IGF1R: variants seen among roughly 807,000 people sequenced by gnomAD.
IGF1R encodes insulin like growth factor 1 receptor.
A neutral mutation model predicts 144.6 loss-of-function variants in IGF1R; 44 were observed. The observed-to-expected ratio is 0.30, with a 90% CI of 0.24 to 0.39. The LOEUF is 0.39. Ranked by LOEUF, IGF1R falls within the 10% of genes least tolerant of loss-of-function variation. IGF1R has a pLI of 1.00. For missense variants in IGF1R, 1,355 were observed against 1,833.7 expected (o/e 0.74, Z 4.77); for synonymous variants, 795 against 722.8 (o/e 1.10, Z -1.60).
At chr15:98,750,466 C>G (rs1459157593) in intron 2 of IGF1R, among the ~76,000 whole-genome samples, 2 of 152,144 alleles carry the variant, frequency 1.3e-5, no homozygotes, top group Non-Finnish European at 2.9e-5. Flanking sequence ...AGCCACAGTC[C>G]AAATCTTCTG....
intron 1 of IGF1R, among the ~76,000 whole-genome samples, chr15:98,692,595 T>G (rs2053502858): frequency 6.6e-6 from 1 of 152,226 alleles, no homozygotes; most frequent in African/African-American, 2.4e-5. Context: ...AAGATGATGG[T>G]GAGTTTGGAC....
intron 2 of IGF1R, among the ~76,000 whole-genome samples, chr15:98,731,960 G>T (rs7183706): frequency 2.0e-5 from 3 of 152,088 alleles, no homozygotes; most frequent in Non-Finnish European, 4.4e-5. Context: ...ATTCCTCTCA[G>T]AGAGACAGTC....
rs1227152809 is a variant in IGF1R at position 98,708,008 on chromosome 15, C to CA, written c.541_542insA (p.Leu181HisfsTer13). ...TAAGCCCCCAAAGGAATGTGGGGACCTGTGTCCAGGGACCATGGAGGAGAA... is the reference window on the plus strand; with the variant it reads ...TAAGCCCCCAAAGGAATGTGGGGACCATGTGTCCAGGGACCATGGAGGAGAA... On this transcript the variant is annotated frameshift_variant, in exon 2 of 21. Transcript: ENST00000650285. LOFTEE classifies it high-confidence loss of function. 6.2e-7 allele frequency: 1 copy of CA among 1,614,062 alleles called. No individual in the cohort carries two copies. Among genetic ancestry groups the CA allele is most frequent in the Non-Finnish European group, 8.5e-7 (1 of 1,179,954 alleles).
chr15:98,747,469 T>TA (rs1219625796), intron 2 of IGF1R, among the ~76,000 whole-genome samples: 4 of 152,348 alleles, frequency 2.6e-5, no homozygotes, highest in Non-Finnish European at 5.9e-5. Context: ...GTGCTGGGAT[T>TA]ACAGCCACTG....
Position 98,959,896 on chromosome 15 carries a change from A to T in IGF1R, c.*2454A>T, listed in dbSNP as rs1232273655. 2 of 231,310 alleles carry T rather than the reference A, an allele frequency of 8.6e-6. No individual in the cohort carries two copies. The highest frequency in any genetic ancestry group is 4.5e-5 in the African/African-American group (2 of 44,262). The allele number at this position is 231,310 out of a possible 1,614,324, so 14.3% of individuals were successfully genotyped here. On this transcript the variant is annotated 3_prime_UTR_variant, in exon 21 of 21. Coordinates refer to ENST00000650285, the MANE Select transcript of IGF1R (RefSeq NM_000875.5). ...TATTATATGTAGGAGTTTTCTTTTA[A>T]TTTATTTTGTGATAAATTACCAGTT...
At chr15:98,892,078 G>A (rs537447812) in intron 3 of IGF1R, among the ~76,000 whole-genome samples, 11 of 152,252 alleles carry the variant, frequency 7.2e-5, no homozygotes, top group South Asian at 4.1e-4. Context: ...ACCAGCAAGC[G>A]GACCTAAACA....
chr15:98,951,462 A>G (rs2016770897), intron 20 of IGF1R, among the ~76,000 whole-genome samples: 1 of 152,248 alleles, frequency 6.6e-6, no homozygotes, highest in Non-Finnish European at 1.5e-5. Context: ...TTTTTATCGC[A>G]GTATAACAAA....
chr15:98,781,326 C>CA, intron 2 of IGF1R, among the ~76,000 whole-genome samples: 1 of 152,072 alleles, frequency 6.6e-6, no homozygotes, highest in Middle Eastern at 3.4e-3. Flanking sequence ...AAATTGGGGG[C>CA]AAAAAAGAAA....
At position 98,935,464 on chromosome 15, in the gene IGF1R, G is replaced by A. The variant is rs2016106056; in HGVS notation, c.3297+38G>A. 10 of 1,166,604 alleles carry A rather than the reference G, an allele frequency of 8.6e-6. No homozygotes were observed. The East Asian group carries it at 2.6e-4, about 30-fold the overall frequency. The allele number at this position is 1,166,604 out of a possible 1,614,324, so 72.3% of individuals were successfully genotyped here. ...TTCCACCGGTATTGCATGTTGCCTGGCCTGCTCTCTTTTCCTTTATAATCT... is the reference window on the plus strand; with the variant it reads ...TTCCACCGGTATTGCATGTTGCCTGACCTGCTCTCTTTTCCTTTATAATCT... On this transcript the variant is annotated intron_variant, in intron 17 of 20. Coordinates refer to ENST00000650285, the MANE Select transcript of IGF1R (RefSeq NM_000875.5). The surrounding 1 kb of genome is among the most constrained non-coding windows in gnomAD (Gnocchi z 4.2).
At chr15:98,948,379 C>T (rs189235214) in intron 19 of IGF1R, among the ~76,000 whole-genome samples, 195 bp from the exon 20 acceptor site, 13 of 152,262 alleles carry the variant, frequency 8.5e-5, no homozygotes, top group African/African-American at 2.6e-4. Context: ...ATTTAGTTTA[C>T]GGGGAACATT....
intron 2 of IGF1R, among the ~76,000 whole-genome samples, chr15:98,775,439 G>C (rs191230617): frequency 6.6e-6 from 1 of 152,268 alleles, no homozygotes; most frequent in East Asian, 1.9e-4. Flanking sequence ...CGAGGCTTCT[G>C]GGTGAGTACC....
At chr15:98,746,811 C>T (rs1384385424) in intron 2 of IGF1R, among the ~76,000 whole-genome samples, 1 of 152,138 alleles carries the variant, frequency 6.6e-6, no homozygotes, top group African/African-American at 2.4e-5. Flanking sequence ...GTAAAGAATT[C>T]AAAGGGCTAA....
chr15:98,943,185 C>A, intron 19 of IGF1R, 133 bp downstream of exon 19: 1 of 1,001,520 alleles, frequency 1.0e-6, no homozygotes, highest in South Asian at 1.3e-5. Flanking sequence ...GTTGTGTGAG[C>A]CACACTTCTT....
At chr15:98,784,973 C>T (rs533988086) in intron 2 of IGF1R, among the ~76,000 whole-genome samples, 54 of 152,184 alleles carry the variant, frequency 3.5e-4, no homozygotes, top group African/African-American at 1.2e-3. Context: ...TCTAGATTTT[C>T]GACAACTTGA....
At chr15:98,842,012 G>A (rs2011183053) in intron 2 of IGF1R, among the ~76,000 whole-genome samples, 1 of 152,218 alleles carries the variant, frequency 6.6e-6, no homozygotes, top group Non-Finnish European at 1.5e-5. Flanking sequence ...GCCATTAGAA[G>A]CAGTGTTCTT....
At chr15:98,653,607 C>A (rs200319194) in intron 1 of IGF1R, among the ~76,000 whole-genome samples, 3 of 152,174 alleles carry the variant, frequency 2.0e-5, no homozygotes, top group African/African-American at 7.2e-5. Context: ...AAATTCCTTA[C>A]AGAACGAAAG....
In IGF1R at chr15:98,964,366, AATTT is replaced by A. The variant is rs1350303098; in HGVS notation, c.*6928_*6931del. 4 of 230,852 alleles carry A rather than the reference AATTT, an allele frequency of 1.7e-5. No homozygotes were observed. The highest frequency in any genetic ancestry group is 2.2e-5 in the African/African-American group (1 of 45,226). The allele number at this position is 230,852 out of a possible 1,614,324, so 14.3% of individuals were successfully genotyped here. A position where few individuals can be genotyped will look rare whatever the true frequency, so the allele number is the denominator to read the frequency against. Reference sequence around the variant, plus strand: ...ATGTTTTTGTATATTCTGTTGTAAGAATTTATTCCTGTTATTGCGATATACTCTG... The same window carrying A: ...ATGTTTTTGTATATTCTGTTGTAAGAATTCCTGTTATTGCGATATACTCTG... On this transcript the variant is annotated 3_prime_UTR_variant, in exon 21 of 21. Coordinates refer to ENST00000650285, the MANE Select transcript of IGF1R (RefSeq NM_000875.5).
At chr15:98,761,987 T>C (rs530349562) in intron 2 of IGF1R, among the ~76,000 whole-genome samples, 5 of 152,330 alleles carry the variant, frequency 3.3e-5, no homozygotes, top group African/African-American at 1.2e-4. Flanking sequence ...CCTTGATTGC[T>C]CTTTACCTGT....
At chr15:98,795,602 G>T (rs983414542) in intron 2 of IGF1R, among the ~76,000 whole-genome samples, 2 of 152,106 alleles carry the variant, frequency 1.3e-5, no homozygotes, top group African/African-American at 4.8e-5. Flanking sequence ...ATTTTTAGTA[G>T]AGACAGGGTT....
Sources: gnomAD v4.1 joint callset for allele counts (sites outside exome capture counted in the v4.1 genomes callset) on GRCh38, gnomAD v4.1.1 for gene constraint, Gnocchi (gnomAD v3.1) non-coding constraint, MANE v1.5 for transcripts, NCBI Gene and HGNC (gene_info 2026-07-23, HGNC 2026-07-21) for gene names.